Variants in RBM33 observed in about 807,000 individuals in gnomAD.
RBM33 encodes RNA-binding protein 33.
RBM33 carries 28 observed loss-of-function variants against 132.6 expected under a neutral mutation model. That is an observed-to-expected ratio of 0.21 (90% confidence interval 0.16 to 0.29). RBM33 has a LOEUF of 0.29. RBM33 is among the 10% of genes least tolerant of loss of function. RBM33 has a pLI of 1.00. For missense variants in RBM33, 1,291 were observed against 1,518.5 expected (o/e 0.85, Z 2.49); for synonymous variants, 634 against 593.0 (o/e 1.07, Z -1.01).
In RBM33 at chr7:155,737,644, G is replaced by A. The variant is rs771901528; in HGVS notation, c.1375G>A (p.Asp459Asn). Reference protein sequence around the residue: ...WRAPPPPQDRDPFFLGVSGEP... With the variant: ...WRAPPPPQDRNPFFLGVSGEP... ...AGCCCCACCCCCGCCTCAGGATCGA[G>A]ACCCTTTCTTCTTAGGAGGTACAGA... The change falls in exon 10 of 18, where the codon GAC (aspartate) becomes AAC (asparagine). Residue 459 changes from aspartate (D) to asparagine (N), a missense_variant. Asp to Asn is a conservative substitution (Grantham distance 23, BLOSUM62 1). This residue lies in a region of RBM33 where 841 missense variants were observed against 912.0 expected (regional missense o/e 0.92). Transcript: ENST00000401878. 6.3e-6 allele frequency: 10 copies of A among 1,593,418 alleles called. No individual in the cohort carries two copies. Among genetic ancestry groups the A allele is most frequent in the Non-Finnish European group, 8.5e-6 (10 of 1,173,126 alleles).
intron 16 of RBM33, among the ~76,000 whole-genome samples, chr7:155,773,527 C>A (rs1447131499): frequency 7.6e-6 from 1 of 132,424 alleles, no homozygotes; most frequent in Non-Finnish European, 1.5e-5. Context: ...GAGATCCTGC[C>A]ATTGCACACC....
Position 155,706,939 on chromosome 7 carries a change from C to T in RBM33, c.819C>T (p.Ser273=). 3 of 1,605,944 alleles carry T rather than the reference C, an allele frequency of 1.9e-6. No homozygotes were observed. The highest frequency in any genetic ancestry group is 2.6e-6 in the Non-Finnish European group (3 of 1,176,454). ...AGCATAAACAAGGACGCTACAGCTC[C>T]AGGCGGGGAGGACGGCGAGGAGGTC... ...ERQHKQGRYS[S]RRGGRRGGPL... The change falls in exon 7 of 18, where the codon TCC becomes TCT. Residue 273 remains serine (S), a synonymous_variant. Coordinates refer to ENST00000401878, the MANE Select transcript of RBM33 (RefSeq NM_053043.3).
At chr7:155,656,436 G>A (rs758847839) in intron 1 of RBM33, among the ~76,000 whole-genome samples, 5 of 152,114 alleles carry the variant, frequency 3.3e-5, no homozygotes, top group Non-Finnish European at 5.9e-5. Context: ...TTTAAGAAGT[G>A]GCCACTTTTT....
At position 155,775,882 on chromosome 7, in the gene RBM33, G is replaced by A. The variant is rs1645690632; in HGVS notation, c.*841G>A. The A allele has an allele frequency of 6.6e-6, 1 of 152,252 alleles. No individual in the cohort carries two copies. The highest frequency in any genetic ancestry group is 6.5e-5 in the Admixed American group (1 of 15,294). The allele number at this position is 152,252 out of a possible 1,614,324, so 9.4% of individuals were successfully genotyped here. On this transcript the variant is annotated 3_prime_UTR_variant, in exon 18 of 18. Coordinates refer to ENST00000401878, the MANE Select transcript of RBM33 (RefSeq NM_053043.3). ...CCTGTTTTTTTCCTTTTTAAATGCA[G>A]TAAGGTGGCCTGTTTATCACTGGCT...
intron 8 of RBM33, among the ~76,000 whole-genome samples, chr7:155,714,851 G>C (rs1429729455): frequency 1.3e-5 from 2 of 152,166 alleles, no homozygotes; most frequent in Non-Finnish European, 2.9e-5. Context: ...CCATACGTGG[G>C]TGAGAAGTAT....
At chr7:155,698,485 A>T (rs529550373) in intron 5 of RBM33, among the ~76,000 whole-genome samples, 2 of 152,328 alleles carry the variant, frequency 1.3e-5, no homozygotes, top group South Asian at 4.1e-4. Context: ...GAGGCTGAAG[A>T]ATTAAGTCTA....
At chr7:155,667,434 GT>G (rs1798830452) in intron 2 of RBM33, among the ~76,000 whole-genome samples, 1 of 152,070 alleles carries the variant, frequency 6.6e-6, no homozygotes, top group African/African-American at 2.4e-5. Context: ...TTCTACAGTG[GT>G]TATTCAGATT....
At chr7:155,691,013 C>T (rs1799623536) in intron 5 of RBM33, among the ~76,000 whole-genome samples, 1 of 152,094 alleles carries the variant, frequency 6.6e-6, no homozygotes, top group South Asian at 2.1e-4. Context: ...GAATGTTGGC[C>T]TGCCTTGCTA....
At chr7:155,773,438 G>A (rs1802494983) in intron 16 of RBM33, among the ~76,000 whole-genome samples, 1 of 151,766 alleles carries the variant, frequency 6.6e-6, no homozygotes, top group African/African-American at 2.4e-5. Context: ...CGTGGTGATG[G>A]GTGCCTATAA....
At chr7:155,720,803 C>T (rs903462710) in intron 9 of RBM33, among the ~76,000 whole-genome samples, 29 of 152,130 alleles carry the variant, frequency 1.9e-4, no homozygotes, top group African/African-American at 6.5e-4. Context: ...TATGGATGGC[C>T]GTATGCCCCT....
intron 5 of RBM33, among the ~76,000 whole-genome samples, chr7:155,683,868 A>C (rs1799401973): frequency 6.6e-6 from 1 of 152,190 alleles, no homozygotes; most frequent in South Asian, 2.1e-4. Context: ...ATTTTATGTC[A>C]TGGGTAGCAG....
intron 2 of RBM33, 95 bp from the exon 3 acceptor site, chr7:155,672,772 T>C: frequency 1.5e-6 from 1 of 672,370 alleles, no homozygotes; most frequent in Non-Finnish European, 2.4e-6. Flanking sequence ...AAAAGGTACC[T>C]GAGCTGTAGA....
intron 14 of RBM33, among the ~76,000 whole-genome samples, chr7:155,755,690 T>C (rs1801826039): frequency 6.6e-6 from 1 of 152,200 alleles, no homozygotes; most frequent in Admixed American, 6.5e-5. Context: ...TTCATGGGGT[T>C]TAAGAGTGAA....
At chr7:155,753,537 T>C (rs1801751664) in intron 14 of RBM33, among the ~76,000 whole-genome samples, 1 of 151,742 alleles carries the variant, frequency 6.6e-6, no homozygotes, top group South Asian at 2.1e-4. Flanking sequence ...CGCCTGGGAG[T>C]GGATGAGTAG....
In RBM33 at chr7:155,673,949, T is replaced by TTTTGTTTTTTTTTTTTTTTG. The variant is rs1563138381; in HGVS notation, c.171+1037_171+1038insGTTTTTTTTTTTTTTTGTTT. On this transcript the variant is annotated intron_variant, in intron 3 of 17. Transcript: ENST00000401878. ...AGATAGTTTAGGCTTAGTTTTTTTT[T>TTTTGTTTTTTTTTTTTTTTG]TTTTTTTTTTTTTTTTTTTTTTTGA... 3.8e-5 allele frequency among the ~76,000 whole-genome samples: 4 copies of TTTTGTTTTTTTTTTTTTTTG among 106,512 alleles called. 1 individual carries two copies. The highest frequency in any genetic ancestry group is 1.4e-4 in the African/African-American group (4 of 28,806). The allele number at this position is 106,512 out of a possible 152,430, so 69.9% of individuals were successfully genotyped here. A position where few individuals can be genotyped will look rare whatever the true frequency, so the allele number is the denominator to read the frequency against.
At chr7:155,683,215 G>A (rs1293639807) in intron 5 of RBM33, among the ~76,000 whole-genome samples, 1 of 152,102 alleles carries the variant, frequency 6.6e-6, no homozygotes, top group African/African-American at 2.4e-5. Context: ...CCGCTTCCTT[G>A]GACAGGAGGA....
intron 9 of RBM33, among the ~76,000 whole-genome samples, chr7:155,718,964 C>CTT (rs1425221188): frequency 6.6e-6 from 1 of 152,110 alleles, no homozygotes; most frequent in African/African-American, 2.4e-5. Context: ...CTCTCTCTCT[C>CTT]TCTCACACAC....
chr7:155,654,417 C>T (rs1049649765), intron 1 of RBM33, among the ~76,000 whole-genome samples: 1 of 152,040 alleles, frequency 6.6e-6, no homozygotes, highest in Non-Finnish European at 1.5e-5. Flanking sequence ...ACTAGATTAC[C>T]TTTCCTAAAC....
At chr7:155,757,507 G>A (rs568194264) in intron 14 of RBM33, among the ~76,000 whole-genome samples, 1 of 152,156 alleles carries the variant, frequency 6.6e-6, no homozygotes, top group South Asian at 2.1e-4. Flanking sequence ...TGTTGATCCC[G>A]TTTGTTTCAA....
Sources: allele counts gnomAD v4.1 joint callset (sites outside exome capture counted in the v4.1 genomes callset), GRCh38; gene constraint gnomAD v4.1.1; regional missense constraint gnomAD v4.1.1; transcripts MANE v1.5; gene names NCBI Gene and HGNC (gene_info 2026-07-23, HGNC 2026-07-21).